CAMTA1: variants seen among roughly 807,000 people sequenced by gnomAD.
CAMTA1 encodes the protein calmodulin-binding transcription activator 1.
A neutral mutation model predicts 170.9 loss-of-function variants in CAMTA1; 27 were observed. The ratio of observed to expected loss-of-function variants is 0.16; its 90% CI spans 0.12 to 0.22. The LOEUF (loss-of-function observed/expected upper bound fraction) is 0.22, where lower values mean the gene tolerates loss of function less well. CAMTA1 is among the 10% of genes least tolerant of loss of function. The probability of loss-of-function intolerance (pLI) is 1.00; values close to 1 mark genes in which losing one functional copy is unlikely to be tolerated. For missense variants in CAMTA1, 1,619 were observed against 2,217.2 expected (o/e 0.73, Z 5.42); for synonymous variants, 833 against 891.5 (o/e 0.93, Z 1.17).
intron 3 of CAMTA1, among the ~76,000 whole-genome samples, chr1:6,854,134 G>T (rs913002122): frequency 6.6e-6 from 1 of 152,158 alleles, no homozygotes; most frequent in African/African-American, 2.4e-5. Context: ...CAGTCAACAA[G>T]GGACTGACTA....
chr1:7,426,902 C>T lies in CAMTA1; in HGVS notation c.439-40928C>T, dbSNP rs1302732475. 6.6e-6 allele frequency among the ~76,000 whole-genome samples: 1 copy of T among 152,136 alleles called. No individual in the cohort carries two copies. The highest frequency in any genetic ancestry group is 1.5e-5 in the Non-Finnish European group (1 of 68,042). On this transcript the variant is annotated intron_variant, in intron 5 of 22. Coordinates refer to ENST00000303635, the MANE Select transcript of CAMTA1 (RefSeq NM_015215.4). This position sits in a 1 kb window ranked among gnomAD's most constrained non-coding sequence, Gnocchi z 4.8. ...GATGAAATTTGGTCCTTAAATCTGG[C>T]CTGTGTTTTTAGTAATTTATCAGGC...
intron 5 of CAMTA1, among the ~76,000 whole-genome samples, chr1:7,316,145 T>C (rs969164272): frequency 1.3e-5 from 2 of 152,136 alleles, no homozygotes; most frequent in Non-Finnish European, 2.9e-5. Flanking sequence ...CAACCTGCGG[T>C]GATCCAATTA....
chr1:6,958,189 T>C (rs770605759), intron 3 of CAMTA1, among the ~76,000 whole-genome samples: 5 of 152,168 alleles, frequency 3.3e-5, no homozygotes, highest in Non-Finnish European at 5.9e-5. Context: ...ACCTTTCCCC[T>C]AGGCCCCTCC....
At chr1:7,246,834 T>C (rs1309455209) in intron 4 of CAMTA1, among the ~76,000 whole-genome samples, 6 of 151,854 alleles carry the variant, frequency 4.0e-5, no homozygotes. Flanking sequence ...GCCAGGCTAA[T>C]TTTTTGTATT....
At chr1:6,804,714 T>TA (rs200736765) in intron 1 of CAMTA1, among the ~76,000 whole-genome samples, 1,696 of 152,210 alleles carry the variant, frequency 0.011, 19 homozygotes, top group South Asian at 0.032. Context: ...TTTTTAAAAT[T>TA]AAAAAATTTT....
intron 5 of CAMTA1, among the ~76,000 whole-genome samples, chr1:7,318,611 G>A (rs553961237): frequency 6.6e-6 from 1 of 152,354 alleles, no homozygotes; most frequent in Admixed American, 6.5e-5. Flanking sequence ...CCACTCAGCT[G>A]AGAGAGCTAC....
At chr1:7,678,586 C>T (rs2096148902) in intron 11 of CAMTA1, among the ~76,000 whole-genome samples, 2 of 152,194 alleles carry the variant, frequency 1.3e-5, no homozygotes, top group Admixed American at 1.3e-4. Context: ...CCCACCTGGG[C>T]ACACGTCAGG....
chr1:7,082,721 T>G (rs1247017889), intron 3 of CAMTA1, among the ~76,000 whole-genome samples: 1 of 152,208 alleles, frequency 6.6e-6, no homozygotes, highest in Non-Finnish European at 1.5e-5. Flanking sequence ...CTTATGCTCT[T>G]TCCCTTCCCT....
chr1:7,243,459 T>C (rs1004264505), intron 4 of CAMTA1, among the ~76,000 whole-genome samples: 11 of 152,248 alleles, frequency 7.2e-5, no homozygotes, highest in Non-Finnish European at 1.5e-4. Flanking sequence ...TAGCCAGTTT[T>C]CCCAGCACCA....
In CAMTA1 at chr1:7,580,700, A is replaced by ATC. The variant is rs912874501; in HGVS notation, c.511-59699_511-59698dup. ...CTGGCTGTGCCCAGCACTGTGCAAA[A>ATC]TCCCTCCTGTGCTGGTCTTCCTGGA... On this transcript the variant is annotated intron_variant, in intron 6 of 22. Transcript: ENST00000303635. The surrounding 1 kb of genome is among the most constrained non-coding windows in gnomAD (Gnocchi z 4.3). 2.6e-5 allele frequency among the ~76,000 whole-genome samples: 4 copies of ATC among 151,776 alleles called. No individual in the cohort carries two copies. Among genetic ancestry groups the ATC allele is most frequent in the African/African-American group, 9.7e-5 (4 of 41,304 alleles).
At chr1:7,072,622 A>G (rs1638792374) in intron 3 of CAMTA1, among the ~76,000 whole-genome samples, 1 of 152,218 alleles carries the variant, frequency 6.6e-6, no homozygotes. Flanking sequence ...TGTGGAGAAA[A>G]AAGAAAGTGG....
chr1:7,245,286 T>G (rs916262941), intron 4 of CAMTA1, among the ~76,000 whole-genome samples: 3 of 151,416 alleles, frequency 2.0e-5, no homozygotes, highest in African/African-American at 7.3e-5. Flanking sequence ...TGGCTGATAA[T>G]CTATAAGCCA....
chr1:7,626,884 C>T (rs180958668), intron 6 of CAMTA1, among the ~76,000 whole-genome samples: 1 of 152,216 alleles, frequency 6.6e-6, no homozygotes, highest in Admixed American at 6.5e-5. Context: ...CTTGCAGGAC[C>T]CTGGAGGATC....
intron 5 of CAMTA1, among the ~76,000 whole-genome samples, chr1:7,363,397 A>G (rs1200215005): frequency 6.6e-6 from 1 of 151,712 alleles, no homozygotes; most frequent in East Asian, 1.9e-4. Flanking sequence ...ATTTGATGTA[A>G]CACTCGTGTC....
intron 3 of CAMTA1, among the ~76,000 whole-genome samples, chr1:7,059,080 C>T (rs1707820811): frequency 6.6e-6 from 1 of 152,220 alleles, no homozygotes; most frequent in African/African-American, 2.4e-5. Flanking sequence ...CTGGGCTCTC[C>T]TTTCCATCCT....
intron 5 of CAMTA1, among the ~76,000 whole-genome samples, chr1:7,289,271 G>A (rs1672776327): frequency 6.6e-6 from 1 of 152,286 alleles, no homozygotes; most frequent in Non-Finnish European, 1.5e-5. Flanking sequence ...ATCAGTGAGG[G>A]TGGGAGTTTT....
intron 5 of CAMTA1, among the ~76,000 whole-genome samples, chr1:7,340,805 C>T (rs1237463096): frequency 1.3e-5 from 2 of 151,986 alleles, no homozygotes; most frequent in Non-Finnish European, 2.9e-5. Flanking sequence ...ACTTCAGAGC[C>T]TACTCTGCAC....
chr1:6,899,554 G>GCGCACA (rs1306510241), intron 3 of CAMTA1, among the ~76,000 whole-genome samples: 3,032 of 141,110 alleles, frequency 0.021, 41 homozygotes, highest in Non-Finnish European at 0.031. Context: ...ACGCGCGCGC[G>GCGCACA]CACACACACA....
At chr1:6,951,909 G>A (rs1384695838) in intron 3 of CAMTA1, among the ~76,000 whole-genome samples, 1 of 152,180 alleles carries the variant, frequency 6.6e-6, no homozygotes, top group East Asian at 1.9e-4. Flanking sequence ...GAACTGTGAG[G>A]TGCTGGATGA....
Sources: allele counts gnomAD v4.1 joint callset (sites outside exome capture counted in the v4.1 genomes callset), GRCh38; gene constraint gnomAD v4.1.1; non-coding constraint Gnocchi (gnomAD v3.1); transcripts MANE v1.5; gene names NCBI Gene and HGNC (gene_info 2026-07-23, HGNC 2026-07-21).